DOP1A: variants seen among roughly 807,000 people sequenced by gnomAD.
DOP1A encodes the protein protein DOP1A.
Under a neutral mutation model 267.6 loss-of-function variants are expected in DOP1A, and 90 were observed. The observed-to-expected ratio is 0.34, with a 90% CI of 0.28 to 0.40. The LOEUF is 0.40. Among genes scored for constraint, DOP1A ranks in the 10% least tolerant of loss-of-function variants. The pLI is 1.00. For synonymous variants in DOP1A, 932 were observed against 999.1 expected (o/e 0.93, Z 1.27); for missense variants, 2,437 against 2,900.4 (o/e 0.84, Z 3.67).
At chr6:83,157,473 A>G (rs1429224046) in intron 35 of DOP1A, among the ~76,000 whole-genome samples, 155 bp downstream of exon 35, 1 of 152,214 alleles carries the variant, frequency 6.6e-6, no homozygotes, top group African/African-American at 2.4e-5. Flanking sequence ...TAGTAAAACA[A>G]GTCAGATTCC....
intron 1 of DOP1A, among the ~76,000 whole-genome samples, chr6:83,074,657 A>G (rs927429634): frequency 6.6e-6 from 1 of 152,190 alleles, no homozygotes; most frequent in Non-Finnish European, 1.5e-5. Flanking sequence ...TTGCCTAACT[A>G]TAGGCTAATA....
At position 83,162,773 on chromosome 6, in the gene DOP1A, C is replaced by CTTACTGAT. The variant is rs747367516; in HGVS notation, c.6963-17_6963-16insTTACTGAT. 8.8e-6 allele frequency: 14 copies of CTTACTGAT among 1,596,704 alleles called. No homozygotes were observed. Among genetic ancestry groups the CTTACTGAT allele is most frequent in the Non-Finnish European group, 1.2e-5 (14 of 1,172,024 alleles). On this transcript the variant is annotated splice_polypyrimidine_tract_variant and intron_variant, in intron 37 of 38. Coordinates refer to ENST00000349129, the MANE Select transcript of DOP1A (RefSeq NM_015018.4). ...AAGTCTGTCTTACTGATGCTGATGT[C>CTTACTGAT]ATTATTCTATACATAGGTACCGATG...
chr6:83,151,850 A>G (rs1319149747), intron 28 of DOP1A, 33 bp from the exon 29 acceptor site: 6 of 1,602,686 alleles, frequency 3.7e-6, no homozygotes, highest in Non-Finnish European at 5.1e-6. Flanking sequence ...GCATGTGTGT[A>G]CCATACATAG....
downstream of DOP1A, chr6:83,169,749 C>T (rs1039405079): frequency 4.1e-5 from 19 of 457,992 alleles, no homozygotes; most frequent in African/African-American, 1.4e-4. Flanking sequence ...CCCTATTCAG[C>T]GCACTCACTG....
At position 83,129,304 on chromosome 6, in the gene DOP1A, C is replaced by T. The variant is rs777103206; in HGVS notation, c.2137C>T (p.Arg713Ter). The change falls in exon 16 of 39, where the codon CGA becomes TGA. Residue 713 changes from arginine to a stop codon, truncating the protein, a stop_gained. Coordinates refer to ENST00000349129, the MANE Select transcript of DOP1A (RefSeq NM_015018.4). LOFTEE classifies it high-confidence loss of function. Reference sequence around the variant, plus strand: ...TACAGAACATCAAGGGGATCTTGGTCGAGAACAAGGAGAGACTTCAAAATG... The same window carrying T: ...TACAGAACATCAAGGGGATCTTGGTTGAGAACAAGGAGAGACTTCAAAATG... ...LATEHQGDLG[R>*]EQGETSKWDR... The T allele has an allele frequency of 1.9e-6, 3 of 1,606,904 alleles. No homozygotes were observed. The highest frequency in any genetic ancestry group is 2.5e-6 in the Non-Finnish European group (3 of 1,177,404).
At chr6:83,083,973 C>T (rs1255077082) in intron 1 of DOP1A, among the ~76,000 whole-genome samples, 4 of 152,052 alleles carry the variant, frequency 2.6e-5, no homozygotes, top group East Asian at 1.9e-4. Flanking sequence ...TTTTTAATAA[C>T]GTATATAATT....
At chr6:83,074,279 G>A (rs1786094334) in intron 1 of DOP1A, among the ~76,000 whole-genome samples, 1 of 152,022 alleles carries the variant, frequency 6.6e-6, no homozygotes, top group Non-Finnish European at 1.5e-5. Context: ...TAGCACTTAA[G>A]ATACAGATTT....
At chr6:83,093,816 G>T (rs1770931790) in intron 1 of DOP1A, among the ~76,000 whole-genome samples, 2 of 152,236 alleles carry the variant, frequency 1.3e-5, no homozygotes, top group Non-Finnish European at 2.9e-5. Flanking sequence ...TGAAGCAGGA[G>T]AATCGCTTGA....
chr6:83,132,119 A>G, intron 17 of DOP1A, 57 bp from the exon 18 acceptor site: 1 of 1,566,162 alleles, frequency 6.4e-7, no homozygotes, highest in Non-Finnish European at 8.7e-7. Context: ...AATAGGAAAT[A>G]TTTGTTAAAT....
chr6:83,132,380 CACACAA>C (rs559394798), intron 18 of DOP1A, 52 bp downstream of exon 18: 4,284 of 1,349,734 alleles, frequency 3.2e-3, no homozygotes, highest in South Asian at 4.2e-3. Flanking sequence ...CACACACACA[CACACAA>C]ATACTGAAAA....
At chr6:83,153,034 AT>A (rs1403793065) in intron 30 of DOP1A, among the ~76,000 whole-genome samples, 1 of 152,162 alleles carries the variant, frequency 6.6e-6, no homozygotes, top group Non-Finnish European at 1.5e-5. Flanking sequence ...TACACATGTC[AT>A]TTTGTTTCCT....
intron 27 of DOP1A, among the ~76,000 whole-genome samples, chr6:83,151,062 G>A (rs960210564): frequency 5.3e-5 from 8 of 151,966 alleles, no homozygotes; most frequent in Non-Finnish European, 8.8e-5. Context: ...ATTTTGTGTC[G>A]GCTTCTTTTG....
intron 4 of DOP1A, among the ~76,000 whole-genome samples, chr6:83,106,027 T>A (rs1325705650): frequency 6.6e-6 from 1 of 152,242 alleles, no homozygotes; most frequent in African/African-American, 2.4e-5. Context: ...TCTATACTTT[T>A]TTGAAGTATA....
At position 83,137,288 on chromosome 6, in the gene DOP1A, A is replaced by C. The variant is rs1779007563; in HGVS notation, c.3246A>C (p.Leu1082=). ...VNPLSDRLSL[L]STSSETIPMV... ...CATTAAGTGACAGACTTTCCCTCCTAAGTACCAGCAGTGAGACAATTCCAA... is the reference window on the plus strand; with the variant it reads ...CATTAAGTGACAGACTTTCCCTCCTCAGTACCAGCAGTGAGACAATTCCAA... Residue 1082 remains leucine (L), a synonymous_variant, in exon 21 of 39, where the codon CTA becomes CTC. Coordinates refer to ENST00000349129, the MANE Select transcript of DOP1A (RefSeq NM_015018.4). The C allele has an allele frequency of 6.2e-7, 1 of 1,613,644 alleles. No homozygotes were observed. Among genetic ancestry groups the C allele is most frequent in the Admixed American group, 1.7e-5 (1 of 59,970 alleles).
At chr6:83,101,586 G>T (rs1772592189) in intron 4 of DOP1A, among the ~76,000 whole-genome samples, 2 of 152,028 alleles carry the variant, frequency 1.3e-5, no homozygotes, top group African/African-American at 4.8e-5. Flanking sequence ...ACATTTTCCT[G>T]TTCAGTTACT....
intron 15 of DOP1A, among the ~76,000 whole-genome samples, chr6:83,128,266 G>C (rs1272972315): frequency 1.3e-5 from 2 of 152,260 alleles, no homozygotes; most frequent in East Asian, 3.9e-4. Context: ...ATTGTAGGGA[G>C]TAAAAGGCTA....
downstream of DOP1A, chr6:83,170,197 C>A: frequency 3.0e-6 from 3 of 1,016,516 alleles, no homozygotes; most frequent in South Asian, 1.6e-5. Context: ...AAAGGCTCAA[C>A]AAAATAAAGC....
chr6:83,133,042 A>G (rs1355089768), intron 18 of DOP1A, among the ~76,000 whole-genome samples: 4 of 152,142 alleles, frequency 2.6e-5, no homozygotes, highest in Admixed American at 2.6e-4. Context: ...ATAATCAAAA[A>G]AGGAATTGTG....
chr6:83,105,356 C>CTTTTTTTTTT (rs70987733), intron 4 of DOP1A, among the ~76,000 whole-genome samples: 1 of 65,940 alleles, frequency 1.5e-5, no homozygotes, highest in African/African-American at 5.5e-5. Flanking sequence ...GGATGTCTTT[C>CTTTTTTTTTT]TTTTTTTTTT....
Sources: allele counts gnomAD v4.1 joint callset (sites outside exome capture counted in the v4.1 genomes callset), GRCh38; gene constraint gnomAD v4.1.1; transcripts MANE v1.5; gene names NCBI Gene and HGNC (gene_info 2026-07-23, HGNC 2026-07-21).